Variants in MTMR3 observed in about 807,000 individuals in gnomAD.
The protein encoded by MTMR3 is phosphatidylinositol-3,5-bisphosphate 3-phosphatase MTMR3.
In MTMR3, 32 loss-of-function variants were observed where a neutral mutation model predicts 132.4. That is an observed-to-expected ratio of 0.24 (90% CI 0.18 to 0.32). The LOEUF (loss-of-function observed/expected upper bound fraction) is 0.32. Ranked by LOEUF, MTMR3 falls within the 10% of genes least tolerant of loss-of-function variation. The pLI is 1.00. For missense variants in MTMR3, 1,216 were observed against 1,489.6 expected (o/e 0.82, Z 3.02); for synonymous variants, 556 against 550.3 (o/e 1.01, Z -0.14).
chr22:30,020,782 A>G lies in MTMR3; in HGVS notation c.3123A>G (p.Glu1041=). The G allele has an allele frequency of 6.2e-7, 1 of 1,614,146 alleles. No individual in the cohort carries two copies. Among genetic ancestry groups the G allele is most frequent in the South Asian group, 1.1e-5 (1 of 91,076 alleles). Reference sequence around the variant, plus strand: ...AGATTGAGTCAGGCCACCAGCAGGAAGTAGAAACTTTGAAGAAACAAGTCC... The same window carrying G: ...AGATTGAGTCAGGCCACCAGCAGGAGGTAGAAACTTTGAAGAAACAAGTCC... The part of the protein sequence containing the change: ...LRQIESGHQQ[E]VETLKKQVQE... Residue 1041 remains glutamate, a synonymous_variant, in exon 17 of 20, where the codon GAA becomes GAG. Coordinates refer to ENST00000401950, the MANE Select transcript of MTMR3 (RefSeq NM_021090.4).
rs536258551 is a variant in MTMR3 at position 29,908,469 on chromosome 22, G to A, written c.-138+25110G>A. On this transcript the variant is annotated intron_variant, in intron 1 of 19. Transcript: ENST00000401950. ...ATAGAATGAAAGTGGATTTGCTTCA[G>A]TACTCTGAAATAGTTAACTGTTGAT... Among the ~76,000 whole-genome samples, 375 of 152,306 alleles carry A rather than the reference G, an allele frequency of 2.5e-3. 1 individual carries two copies. The highest frequency in any genetic ancestry group is 8.4e-3 in the African/African-American group (349 of 41,568).
chr22:29,966,320 C>T (rs1232849049), intron 2 of MTMR3, among the ~76,000 whole-genome samples: 2 of 152,132 alleles, frequency 1.3e-5, no homozygotes, highest in East Asian at 1.9e-4. Flanking sequence ...TCAGATTTCC[C>T]TAATAGATGT....
At chr22:30,013,744 C>A in intron 14 of MTMR3, 1 of 479,354 alleles carries the variant, frequency 2.1e-6, no homozygotes, top group Non-Finnish European at 3.6e-6. Context: ...TGCATGAAGT[C>A]CTTGTGTTGT....
At chr22:29,908,603 T>A (rs927163009) in intron 1 of MTMR3, among the ~76,000 whole-genome samples, 1 of 152,226 alleles carries the variant, frequency 6.6e-6, no homozygotes, top group African/African-American at 2.4e-5. Context: ...AAATTGATTG[T>A]TGGCCCTTTG....
At chr22:29,909,190 G>C (rs1423642468) in intron 1 of MTMR3, among the ~76,000 whole-genome samples, 3 of 151,806 alleles carry the variant, frequency 2.0e-5, no homozygotes, top group African/African-American at 4.8e-5. Flanking sequence ...TCAAACTCCT[G>C]GGCTTACTGT....
intron 1 of MTMR3, among the ~76,000 whole-genome samples, chr22:29,940,996 T>C (rs937162972): frequency 1.3e-5 from 2 of 150,106 alleles, no homozygotes; most frequent in Non-Finnish European, 2.9e-5. Flanking sequence ...ACTGCACCAC[T>C]GCAGCCACTG....
At chr22:29,922,806 T>TA (rs2065442926) in intron 1 of MTMR3, among the ~76,000 whole-genome samples, 2 of 151,458 alleles carry the variant, frequency 1.3e-5, no homozygotes, top group Middle Eastern at 3.2e-3. Flanking sequence ...AGCCAGCACT[T>TA]AAAAAAAATT....
chr22:29,967,635 C>A (rs2066454503), intron 2 of MTMR3, among the ~76,000 whole-genome samples: 1 of 151,776 alleles, frequency 6.6e-6, no homozygotes, highest in Admixed American at 6.6e-5. Flanking sequence ...GCTGTAGAAC[C>A]ATTACCATTA....
chr22:29,923,073 G>T (rs1326890566), intron 1 of MTMR3, among the ~76,000 whole-genome samples: 1 of 137,946 alleles, frequency 7.2e-6, no homozygotes, highest in African/African-American at 2.7e-5. Flanking sequence ...ACGGAGTCTT[G>T]CTCTATTGCC....
At chr22:29,957,658 G>T (rs533443263) in intron 2 of MTMR3, among the ~76,000 whole-genome samples, 1 of 152,012 alleles carries the variant, frequency 6.6e-6, no homozygotes, top group African/African-American at 2.4e-5. Context: ...TCGTTCTGTT[G>T]CCCAGGCTGA....
At position 29,916,986 on chromosome 22, in the gene MTMR3, A is replaced by G. The variant is rs527506090; in HGVS notation, c.-138+33627A>G. 3.9e-4 allele frequency among the ~76,000 whole-genome samples: 60 copies of G among 152,358 alleles called. No homozygotes were observed. In the South Asian group the frequency reaches 0.012, roughly 30 times the overall value. ...GCTTTAAGATACAATGTCACTAATT[A>G]TGGATTATTCTGTTCTTGTTCTACA... On this transcript the variant is annotated intron_variant, in intron 1 of 19. Transcript: ENST00000401950.
chr22:30,020,968 G>T (rs1569055480), intron 17 of MTMR3, 84 bp downstream of exon 17: 6 of 1,318,494 alleles, frequency 4.6e-6, no homozygotes, highest in Non-Finnish European at 5.2e-6. Context: ...AGTGCATGGT[G>T]ATTGGTACAG....
intron 1 of MTMR3, among the ~76,000 whole-genome samples, chr22:29,908,674 T>A (rs1018621969): frequency 1.3e-5 from 2 of 152,202 alleles, no homozygotes; most frequent in African/African-American, 4.8e-5. Context: ...GATAAAACAT[T>A]TACATAATCT....
intron 5 of MTMR3, 88 bp from the exon 6 acceptor site, chr22:29,988,392 C>A (rs572812745): frequency 3.3e-6 from 3 of 911,384 alleles, no homozygotes; most frequent in South Asian, 3.9e-5. Context: ...CCTTATAGAT[C>A]TTTTTAATTA....
chr22:30,020,753 C>T lies in MTMR3; in HGVS notation c.3094C>T (p.Arg1032Cys), dbSNP rs775354882. 3.7e-6 allele frequency: 6 copies of T among 1,614,176 alleles called. No individual in the cohort carries two copies. Among genetic ancestry groups the T allele is most frequent in the Admixed American group, 1.7e-5 (1 of 60,030 alleles). ...CACAGACACGATCCAACAGCGCCTG[C>T]GTCAGATTGAGTCAGGCCACCAGCA... ...VYTDTIQQRLRQIESGHQQEV... is the reference protein window; with the variant it reads ...VYTDTIQQRLCQIESGHQQEV... Residue 1032 changes from arginine to cysteine, a missense_variant, in exon 17 of 20, where the codon CGT becomes TGT. Physicochemically the swap from Arg to Cys is radical, Grantham distance 180. This residue lies in a region of MTMR3 where 852 missense variants were observed against 852.0 expected (regional missense o/e 1.00). Coordinates refer to ENST00000401950, the MANE Select transcript of MTMR3 (RefSeq NM_021090.4).
intron 16 of MTMR3, chr22:30,019,230 T>A: frequency 2.5e-6 from 1 of 408,162 alleles, no homozygotes; most frequent in Non-Finnish European, 4.4e-6. Context: ...AAAATAGCAC[T>A]TGCTGTTAGC....
At chr22:29,885,842 G>A (rs1364944347) in intron 1 of MTMR3, among the ~76,000 whole-genome samples, 1 of 152,218 alleles carries the variant, frequency 6.6e-6, no homozygotes, top group African/African-American at 2.4e-5. Context: ...GTGGAATGCT[G>A]TTACCAAAGG....
intron 3 of MTMR3, among the ~76,000 whole-genome samples, chr22:29,972,673 C>T (rs1452372294): frequency 2.6e-5 from 4 of 152,134 alleles, no homozygotes; most frequent in Admixed American, 1.3e-4. Flanking sequence ...TGGGTTCAAG[C>T]GATTCTTGTG....
At chr22:29,909,120 G>C (rs982332654) in intron 1 of MTMR3, among the ~76,000 whole-genome samples, 3 of 151,748 alleles carry the variant, frequency 2.0e-5, no homozygotes, top group African/African-American at 7.3e-5. Flanking sequence ...CCTCCACCAT[G>C]CTCAGCTGAG....
Sources: allele counts gnomAD v4.1 joint callset (sites outside exome capture counted in the v4.1 genomes callset), GRCh38; gene constraint gnomAD v4.1.1; regional missense constraint gnomAD v4.1.1; transcripts MANE v1.5; gene names NCBI Gene and HGNC (gene_info 2026-07-23, HGNC 2026-07-21).